The following AKAP6 variants were observed in gnomAD, a reference collection of about 807,000 sequenced individuals.
AKAP6 encodes A-kinase anchor protein 6.
A neutral mutation model predicts 188.5 loss-of-function variants in AKAP6; 58 were observed. The observed-to-expected ratio is 0.31, with a 90% CI of 0.25 to 0.38. The LOEUF is 0.38. AKAP6 is among the 10% of genes least tolerant of loss of function. The pLI, the probability that AKAP6 is intolerant of heterozygous loss-of-function variation, is 1.00. For missense variants in AKAP6, 2,710 were observed against 2,740.0 expected (o/e 0.99, Z 0.24); for synonymous variants, 989 against 998.6 (o/e 0.99, Z 0.18).
At chr14:32,692,164 G>A (rs1018869323) in intron 8 of AKAP6, among the ~76,000 whole-genome samples, 1 of 152,100 alleles carries the variant, frequency 6.6e-6, no homozygotes, top group Non-Finnish European at 1.5e-5. Context: ...GTGAGTATCT[G>A]TATTAGGTTC....
intron 1 of AKAP6, among the ~76,000 whole-genome samples, chr14:32,349,751 G>A (rs1887199168): frequency 6.6e-6 from 1 of 152,160 alleles, no homozygotes; most frequent in Admixed American, 6.5e-5. Flanking sequence ...AGACCTTGGT[G>A]CTATACACCA....
chr14:32,653,936 A>G (rs1888336332), intron 7 of AKAP6, among the ~76,000 whole-genome samples: 1 of 152,128 alleles, frequency 6.6e-6, no homozygotes, highest in Non-Finnish European at 1.5e-5. Context: ...GTTTCTGCGT[A>G]TTAAAAACCT....
intron 2 of AKAP6, among the ~76,000 whole-genome samples, chr14:32,533,253 T>C (rs530675099): frequency 1.3e-5 from 2 of 152,216 alleles, no homozygotes; most frequent in Non-Finnish European, 2.9e-5. Flanking sequence ...GGGAAGAATG[T>C]AGGTAACAGC....
intron 2 of AKAP6, 100 bp downstream of exon 2, chr14:32,433,917 A>G: frequency 9.1e-7 from 1 of 1,096,328 alleles, no homozygotes; most frequent in Non-Finnish European, 1.3e-6. Context: ...TTGTCCAGGA[A>G]GAAAAGCACA....
chr14:32,364,394 G>C (rs932922583), intron 1 of AKAP6, among the ~76,000 whole-genome samples: 9 of 152,082 alleles, frequency 5.9e-5, no homozygotes, highest in Non-Finnish European at 1.0e-4. Flanking sequence ...GCTGCTGATG[G>C]GCAGGGGCAG....
At chr14:32,684,124 G>C (rs1889809196) in intron 8 of AKAP6, among the ~76,000 whole-genome samples, 1 of 152,128 alleles carries the variant, frequency 6.6e-6, no homozygotes, top group African/African-American at 2.4e-5. Flanking sequence ...CATCCAAGTA[G>C]AAAAACCCAG....
chr14:32,559,785 T>G (rs987604998), intron 4 of AKAP6, among the ~76,000 whole-genome samples: 1 of 111,320 alleles, frequency 9.0e-6, no homozygotes, highest in African/African-American at 3.6e-5. Context: ...AGCCTAATCT[T>G]TTTTTTTTTT....
At chr14:32,533,150 A>G (rs1343008526) in intron 2 of AKAP6, among the ~76,000 whole-genome samples, 1 of 152,202 alleles carries the variant, frequency 6.6e-6, no homozygotes, top group Non-Finnish European at 1.5e-5. Flanking sequence ...ATCATTGTCA[A>G]TACTGACATT....
chr14:32,533,535 TTAAGGA>T (rs1882527489), intron 2 of AKAP6, among the ~76,000 whole-genome samples: 1 of 151,966 alleles, frequency 6.6e-6, no homozygotes, highest in Non-Finnish European at 1.5e-5. Context: ...TGTGAAGAAG[TTAAGGA>T]GTGTTTTTTT....
At chr14:32,731,448 G>A (rs1327395480) in intron 9 of AKAP6, among the ~76,000 whole-genome samples, 2 of 151,976 alleles carry the variant, frequency 1.3e-5, no homozygotes, top group African/African-American at 2.4e-5. Flanking sequence ...TCTGATAAAG[G>A]TGCTTATCTT....
chr14:32,434,195 G>A (rs1029989288), intron 2 of AKAP6, among the ~76,000 whole-genome samples: 1 of 152,176 alleles, frequency 6.6e-6, no homozygotes, highest in Non-Finnish European at 1.5e-5. Context: ...ATTTGTATGT[G>A]ACTGTTATCT....
chr14:32,794,822 GA>G (rs1051773480), intron 12 of AKAP6, among the ~76,000 whole-genome samples: 26 of 151,874 alleles, frequency 1.7e-4, no homozygotes, highest in African/African-American at 5.8e-4. Flanking sequence ...ATAGAGACAT[GA>G]AAACCTCTTC....
intron 7 of AKAP6, among the ~76,000 whole-genome samples, chr14:32,623,337 G>T (rs1292841081): frequency 6.6e-6 from 1 of 152,110 alleles, no homozygotes; most frequent in East Asian, 1.9e-4. Flanking sequence ...TTCCCTGATT[G>T]TGTGCTTATG....
chr14:32,509,120 C>CTTTTTTTTTT (rs368423502), intron 2 of AKAP6, among the ~76,000 whole-genome samples: 17 of 94,768 alleles, frequency 1.8e-4, no homozygotes, highest in East Asian at 3.8e-4. Context: ...TGCCCTGCCT[C>CTTTTTTTTTT]TTTTTTTTTT....
At chr14:32,516,674 G>A (rs1188794414) in intron 2 of AKAP6, among the ~76,000 whole-genome samples, 1 of 152,140 alleles carries the variant, frequency 6.6e-6, no homozygotes, top group African/African-American at 2.4e-5. Context: ...AAGGAAATAC[G>A]GATATACTAT....
chr14:32,729,890 A>T (rs2031088972), intron 9 of AKAP6, among the ~76,000 whole-genome samples: 2 of 152,160 alleles, frequency 1.3e-5, no homozygotes, highest in Admixed American at 1.3e-4. Context: ...GCCTCTGCTC[A>T]CTTACTGCTG....
intron 1 of AKAP6, among the ~76,000 whole-genome samples, chr14:32,353,288 C>T (rs190706988): frequency 9.2e-5 from 14 of 152,228 alleles, no homozygotes; most frequent in African/African-American, 2.6e-4. Context: ...TTTGGCCAGG[C>T]GCAGTGGCTC....
intron 11 of AKAP6, among the ~76,000 whole-genome samples, chr14:32,744,652 C>T (rs570705902): frequency 7.9e-5 from 12 of 152,212 alleles, no homozygotes; most frequent in Non-Finnish European, 1.2e-4. Flanking sequence ...TGATATTTTT[C>T]TTTGGGTTTG....
intron 9 of AKAP6, among the ~76,000 whole-genome samples, chr14:32,699,033 A>G (rs1890519104): frequency 6.6e-6 from 1 of 152,110 alleles, no homozygotes; most frequent in African/African-American, 2.4e-5. Flanking sequence ...ACCCTGACTC[A>G]TGCACTTATG....
Sources: allele counts gnomAD v4.1 joint callset (sites outside exome capture counted in the v4.1 genomes callset), GRCh38; gene constraint gnomAD v4.1.1; transcripts MANE v1.5; gene names NCBI Gene and HGNC (gene_info 2026-07-23, HGNC 2026-07-21).